SQOR: variants seen among roughly 807,000 people sequenced by gnomAD.
The protein encoded by SQOR is sulfide quinone oxidoreductase, also known as sulfide:quinone oxidoreductase, mitochondrial.
SQOR carries 39 observed loss-of-function variants against 48.6 expected under a neutral mutation model. The observed-to-expected ratio is 0.80, with a 90% CI of 0.62 to 1.05. The LOEUF is 1.05. Among genes scored for constraint, SQOR ranks in the 50% least tolerant of loss-of-function variants. SQOR has a pLI of 0.00. For missense variants in SQOR, 561 were observed against 559.9 expected (o/e 1.00, Z -0.02); for synonymous variants, 220 against 206.2 (o/e 1.07, Z -0.57).
In SQOR at chr15:45,687,048, C is replaced by T. The variant is rs114113205; in HGVS notation, c.1049-1289C>T. ...GTCTCAAACTCCTGTGATCTGCTCA[C>T]CTTGGTCCCCCAAAGTGCTGAGATT... is the stretch of plus-strand genomic sequence containing the variant. On this transcript the variant is annotated intron_variant, in intron 7 of 9. Transcript: ENST00000260324. 4.8e-3 allele frequency among the ~76,000 whole-genome samples: 727 copies of T among 151,936 alleles called. 8 individuals carry two copies. Among genetic ancestry groups the T allele is most frequent in the African/African-American group, 0.017 (703 of 41,436 alleles).
At chr15:45,632,347 G>T (rs1284527165), upstream of SQOR, among the ~76,000 whole-genome samples, 2 of 151,930 alleles carry the variant, frequency 1.3e-5, no homozygotes, top group Non-Finnish European at 2.9e-5. Context: ...AGCCTCCCGA[G>T]TAGCTGGGAC....
chr15:45,682,675 C>G lies in SQOR; in HGVS notation c.1048+14C>G, dbSNP rs368123706. 9 of 1,610,574 alleles carry G rather than the reference C, an allele frequency of 5.6e-6. No homozygotes were observed. In the African/African-American group the frequency reaches 1.1e-4, roughly 19 times the overall value. ...CTGCTGCAGTAGGTAAGTCAACCAG[C>G]TCCATTTCTCCCTTTCTCAAAAATA... On this transcript the variant is annotated intron_variant, in intron 7 of 9. Coordinates refer to ENST00000260324, the MANE Select transcript of SQOR (RefSeq NM_021199.4).
chr15:45,637,668 T>G (rs1566912773), intron 1 of SQOR, among the ~76,000 whole-genome samples: 2 of 152,188 alleles, frequency 1.3e-5, no homozygotes, highest in South Asian at 4.1e-4. Context: ...TGTGCGTGTC[T>G]GTGTGGCTGG....
chr15:45,634,198 C>CTATATA (rs60889862), upstream of SQOR, among the ~76,000 whole-genome samples: 3,298 of 43,810 alleles, frequency 0.075, 628 homozygotes, highest in African/African-American at 0.16. Context: ...ACAACAACAA[C>CTATATA]TATATATATA....
At chr15:45,638,234 G>A (rs976358282) in intron 1 of SQOR, among the ~76,000 whole-genome samples, 5 of 152,162 alleles carry the variant, frequency 3.3e-5, no homozygotes, top group Non-Finnish European at 7.4e-5. Flanking sequence ...CTGGTGTTAT[G>A]GACTCACCAA....
At chr15:45,658,044 C>G (rs767302888) in intron 1 of SQOR, among the ~76,000 whole-genome samples, 1 of 151,960 alleles carries the variant, frequency 6.6e-6, no homozygotes, top group Non-Finnish European at 1.5e-5. Context: ...TTCCTCTCTG[C>G]CAAAGCACTA....
At chr15:45,651,568 C>T (rs575007375) in intron 1 of SQOR, among the ~76,000 whole-genome samples, 3 of 152,390 alleles carry the variant, frequency 2.0e-5, no homozygotes, top group South Asian at 2.1e-4. Flanking sequence ...TGTCACCTCT[C>T]ACTACCTCAG....
intron 9 of SQOR, 151 bp from the exon 10 acceptor site, chr15:45,690,822 C>T: frequency 2.7e-6 from 2 of 731,704 alleles, no homozygotes; most frequent in Non-Finnish European, 2.5e-6. Context: ...CCCTCCTAGT[C>T]ATGGGATCTC....
At chr15:45,664,807 A>C (rs1028022902) in intron 3 of SQOR, among the ~76,000 whole-genome samples, 1 of 152,186 alleles carries the variant, frequency 6.6e-6, no homozygotes, top group Non-Finnish European at 1.5e-5. Flanking sequence ...AATATATATA[A>C]GCAAATACCT....
intron 9 of SQOR, among the ~76,000 whole-genome samples, chr15:45,689,907 G>C (rs1230266424): frequency 6.6e-6 from 1 of 152,054 alleles, no homozygotes; most frequent in Non-Finnish European, 1.5e-5. Flanking sequence ...CCCAGGGAAA[G>C]TTCTGTTTAA....
At chr15:45,690,159 G>A (rs142339035) in intron 9 of SQOR, among the ~76,000 whole-genome samples, 2,291 of 146,712 alleles carry the variant, frequency 0.016, 80 homozygotes, top group African/African-American at 0.056. Flanking sequence ...TCCACCTCCC[G>A]GGTTCAAGCA....
At chr15:45,679,170 T>C (rs895310560) in intron 6 of SQOR, among the ~76,000 whole-genome samples, 14 of 152,232 alleles carry the variant, frequency 9.2e-5, no homozygotes, top group African/African-American at 3.1e-4. Context: ...CTTTGAATTA[T>C]AGGATTTCAG....
intron 7 of SQOR, among the ~76,000 whole-genome samples, chr15:45,684,929 A>G (rs576472661): frequency 9.2e-5 from 14 of 152,230 alleles, no homozygotes; most frequent in African/African-American, 3.4e-4. Context: ...TTGTTTTTAC[A>G]TTTGTGTCTT....
intron 7 of SQOR, among the ~76,000 whole-genome samples, chr15:45,687,213 G>A (rs1890240954): frequency 6.6e-6 from 1 of 151,618 alleles, no homozygotes; most frequent in African/African-American, 2.4e-5. Flanking sequence ...TGCAACCTCC[G>A]CGATTCTCCT....
At chr15:45,689,661 C>A (rs555240951) in intron 9 of SQOR, among the ~76,000 whole-genome samples, 1 of 152,176 alleles carries the variant, frequency 6.6e-6, no homozygotes, top group East Asian at 1.9e-4. Flanking sequence ...CTCAAGTGAT[C>A]CGCCCGCCTC....
Position 45,673,586 on chromosome 15 carries a change from T to C in SQOR, c.460-21T>C, listed in dbSNP as rs530616037. 1.9e-6 allele frequency: 3 copies of C among 1,603,754 alleles called. No individual in the cohort carries two copies. The Admixed American group carries it at 5.2e-5, about 28-fold the overall frequency. On this transcript the variant is annotated intron_variant, in intron 4 of 9. Transcript: ENST00000260324. ...ACATTTGCACTTTTGTTTAAAATAA[T>C]TTTTGTGTACTTTGTTGCAGATTAA... is the stretch of plus-strand genomic sequence containing the variant.
Position 45,691,110 on chromosome 15 carries a change from G to T in SQOR, c.*80G>T. On this transcript the variant is annotated 3_prime_UTR_variant, in exon 10 of 10. Transcript: ENST00000260324. ...CTGAATGACCAAGAGCAGCACGAAG[G>T]ACTTGGAACCTATCCTTGTAAAGAG... The T allele has an allele frequency of 2.4e-6, 3 of 1,246,132 alleles. No homozygotes were observed. The highest frequency in any genetic ancestry group is 3.6e-6 in the Non-Finnish European group (3 of 844,226). 77.2% of individuals were successfully genotyped at this position (1,246,132 alleles called of 1,614,324 possible).
chr15:45,675,592 C>T (rs531098683), intron 5 of SQOR, among the ~76,000 whole-genome samples: 25 of 151,880 alleles, frequency 1.6e-4, no homozygotes, highest in African/African-American at 5.8e-4. Flanking sequence ...ACAGGCTTGT[C>T]TCAAACCATG....
At chr15:45,688,987 T>C in intron 8 of SQOR, 52 bp from the exon 9 acceptor site, 4 of 1,496,624 alleles carry the variant, frequency 2.7e-6, no homozygotes, top group Non-Finnish European at 3.7e-6. Flanking sequence ...AGTGTTAATA[T>C]AGTACCATGA....
Sources: gnomAD v4.1 joint callset for allele counts (sites outside exome capture counted in the v4.1 genomes callset) on GRCh38, gnomAD v4.1.1 for gene constraint, MANE v1.5 for transcripts, NCBI Gene and HGNC (gene_info 2026-07-23, HGNC 2026-07-21) for gene names.